The following HLF variants were observed in gnomAD, a reference collection of about 807,000 sequenced individuals.
HLF encodes the protein hepatic leukemia factor.
Under a neutral mutation model 22.6 loss-of-function variants are expected in HLF, and 3 were observed. The observed-to-expected ratio is 0.13, with a 90% CI of 0.06 to 0.34. HLF has a LOEUF of 0.34. HLF is among the 10% of genes least tolerant of loss of function. The pLI, the probability that HLF is intolerant of heterozygous loss-of-function variation, is 1.00. For synonymous variants in HLF, 151 were observed against 151.8 expected, an observed-to-expected ratio of 0.99 and a Z score of 0.04; for missense variants, 299 against 389.2, an observed-to-expected ratio of 0.77 and a Z score of 1.95.
Position 55,321,188 on chromosome 17 carries a change from C to A in HLF, c.*309C>A. The stretch of plus-strand genomic sequence containing the variant: ...TAGACTGAGGAGCCCTCTCGCGGGT[C>A]TCCCATCCCCTCCCTCCTTCACTCC... On this transcript the variant is annotated 3_prime_UTR_variant, in exon 4 of 4. Coordinates refer to ENST00000226067, the MANE Select transcript of HLF (RefSeq NM_002126.5). The A allele has an allele frequency of 3.2e-6, 1 of 315,490 alleles. No individual in the cohort carries two copies. The highest frequency in any genetic ancestry group is 6.0e-6 in the Non-Finnish European group (1 of 167,656). 19.5% of individuals were successfully genotyped at this position (315,490 alleles called of 1,614,324 possible). A position where few individuals can be genotyped will look rare whatever the true frequency, so the allele number is the denominator to read the frequency against.
chr17:55,317,483 G>A (rs973705398), intron 3 of HLF, among the ~76,000 whole-genome samples: 3 of 152,186 alleles, frequency 2.0e-5, no homozygotes. Flanking sequence ...GACAAAAACC[G>A]TCTGTGCTGG....
At chr17:55,309,661 A>G (rs1380845665) in intron 2 of HLF, among the ~76,000 whole-genome samples, 1 of 152,208 alleles carries the variant, frequency 6.6e-6, no homozygotes, top group Non-Finnish European at 1.5e-5. Flanking sequence ...TGGCCAAAAT[A>G]AAAATTGTCT....
intron 3 of HLF, among the ~76,000 whole-genome samples, chr17:55,316,451 A>G (rs894257869): frequency 1.3e-5 from 2 of 152,236 alleles, no homozygotes; most frequent in South Asian, 2.1e-4. Flanking sequence ...CCTGCTTTAC[A>G]TAGCTAGAAA....
Position 55,323,189 on chromosome 17 carries a change from T to C in HLF, c.*2310T>C, listed in dbSNP as rs150671871. The C allele has an allele frequency of 2.9e-4, 64 of 217,752 alleles. No homozygotes were observed. Among genetic ancestry groups the C allele is most frequent in the Non-Finnish European group, 4.2e-4 (45 of 108,260 alleles). 13.5% of individuals were successfully genotyped at this position (217,752 alleles called of 1,614,324 possible). A position where few individuals can be genotyped will look rare whatever the true frequency, so the allele number is the denominator to read the frequency against. ...GGTGTATTGGAATTGCAATACATTG[T>C]TCAGGTGAATAATAAAATCAAAAAC... On this transcript the variant is annotated 3_prime_UTR_variant, in exon 4 of 4. Transcript: ENST00000226067.
At chr17:55,279,532 A>G (rs1279279440) in intron 2 of HLF, among the ~76,000 whole-genome samples, 1 of 152,152 alleles carries the variant, frequency 6.6e-6, no homozygotes, top group African/African-American at 2.4e-5. Flanking sequence ...CCAAGAGTTC[A>G]AGACCAACCT....
intron 2 of HLF, chr17:55,272,335 A>C (rs2080865671): frequency 6.6e-6 from 1 of 152,244 alleles, no homozygotes; most frequent in Admixed American, 6.5e-5. Flanking sequence ...AGACAAAGGC[A>C]GAGTTATTTT....
chr17:55,285,701 CTG>C (rs1175558163), intron 2 of HLF, among the ~76,000 whole-genome samples: 2 of 152,164 alleles, frequency 1.3e-5, no homozygotes, highest in East Asian at 1.9e-4. Flanking sequence ...CTGCAGCACT[CTG>C]TGCAAAATAC....
chr17:55,302,220 G>A (rs1904330276), intron 2 of HLF, among the ~76,000 whole-genome samples: 1 of 152,132 alleles, frequency 6.6e-6, no homozygotes. Flanking sequence ...AATGACAGAG[G>A]GATTGGAGGC....
In HLF at chr17:55,324,808, T is replaced by TGC. The variant is rs1555610639; in HGVS notation, c.*3931_*3932dup. ...GTGTAAGAGTGTGTGTGTGTGTGTG[T>TGC]GCGTGCATGTGTGTGTGTGTGTATG... On this transcript the variant is annotated 3_prime_UTR_variant, in exon 4 of 4. Transcript: ENST00000226067. The TGC allele has an allele frequency of 1.7e-4, 40 of 231,122 alleles. No homozygotes were observed. The highest frequency in any genetic ancestry group is 2.8e-4 in the Non-Finnish European group (33 of 116,442). The allele number at this position is 231,122 out of a possible 1,614,324, so 14.3% of individuals were successfully genotyped here.
chr17:55,304,665 T>G (rs1904462213), intron 2 of HLF, among the ~76,000 whole-genome samples: 1 of 152,188 alleles, frequency 6.6e-6, no homozygotes, highest in Non-Finnish European at 1.5e-5. Context: ...AGGGTCACAC[T>G]GGGTGACATC....
intron 1 of HLF, 58 bp downstream of exon 1, chr17:55,265,657 GC>G: frequency 7.6e-7 from 1 of 1,317,158 alleles, no homozygotes; most frequent in Non-Finnish European, 1.1e-6. Context: ...GTCCCCCTCC[GC>G]GGCCGGGCAC....
At chr17:55,300,971 G>A (rs896563907) in intron 2 of HLF, among the ~76,000 whole-genome samples, 1 of 152,206 alleles carries the variant, frequency 6.6e-6, no homozygotes, top group East Asian at 1.9e-4. Context: ...GCTACTCTCA[G>A]TTCCCCGACT....
At chr17:55,287,877 A>T (rs923285761) in intron 2 of HLF, among the ~76,000 whole-genome samples, 1 of 152,190 alleles carries the variant, frequency 6.6e-6, no homozygotes, top group African/African-American at 2.4e-5. Context: ...ACCAGAGTTG[A>T]TATACAGGAA....
intron 2 of HLF, among the ~76,000 whole-genome samples, chr17:55,296,753 G>T (rs1028495174): frequency 6.6e-6 from 1 of 152,154 alleles, no homozygotes; most frequent in Non-Finnish European, 1.5e-5. Flanking sequence ...CTGGATCAAA[G>T]TGTGTAGGCT....
chr17:55,276,038 T>A (rs139979313), intron 2 of HLF, among the ~76,000 whole-genome samples: 1 of 152,102 alleles, frequency 6.6e-6, no homozygotes, highest in African/African-American at 2.4e-5. Flanking sequence ...AGCCCAGGAG[T>A]TCGAGGCTGC....
At chr17:55,311,957 T>C (rs1455957973) in intron 2 of HLF, among the ~76,000 whole-genome samples, 2 of 152,234 alleles carry the variant, frequency 1.3e-5, no homozygotes, top group African/African-American at 2.4e-5. Flanking sequence ...TTTAGGATGA[T>C]GGCCGCCAGC....
chr17:55,281,021 C>G (rs2080950172), intron 2 of HLF, among the ~76,000 whole-genome samples: 1 of 152,076 alleles, frequency 6.6e-6, no homozygotes, highest in Non-Finnish European at 1.5e-5. Flanking sequence ...GGTTCTTGGC[C>G]CTTGGCATGG....
intron 2 of HLF, among the ~76,000 whole-genome samples, chr17:55,302,569 C>G (rs1904344284): frequency 6.6e-6 from 1 of 152,146 alleles, no homozygotes; most frequent in African/African-American, 2.4e-5. Context: ...TTGCAGTTCA[C>G]AGGGGTTCTT....
At chr17:55,306,231 G>T (rs1421729120) in intron 2 of HLF, among the ~76,000 whole-genome samples, 1 of 152,066 alleles carries the variant, frequency 6.6e-6, no homozygotes, top group Non-Finnish European at 1.5e-5. Context: ...AAAAAAAATT[G>T]CTGATATTGA....
Sources: gnomAD v4.1 joint callset for allele counts (sites outside exome capture counted in the v4.1 genomes callset) on GRCh38, gnomAD v4.1.1 for gene constraint, MANE v1.5 for transcripts, NCBI Gene and HGNC (gene_info 2026-07-23, HGNC 2026-07-21) for gene names.